Variants in TENM3 observed in about 807,000 individuals in gnomAD.
TENM3 encodes teneurin transmembrane protein 3, also known as teneurin-3.
TENM3 carries 63 observed loss-of-function variants against 255.1 expected under a neutral mutation model. The observed-to-expected ratio is 0.25, with a 90% CI of 0.20 to 0.30. The LOEUF (loss-of-function observed/expected upper bound fraction) is 0.30. Ranked by LOEUF, TENM3 falls within the 10% of genes least tolerant of loss-of-function variation. The pLI is 1.00. For missense variants in TENM3, 2,929 were observed against 3,461.1 expected (o/e 0.85, Z 3.86); for synonymous variants, 1,306 against 1,322.3 (o/e 0.99, Z 0.27).
chr4:181,714,596 A>C, the TENM3 span, among the ~76,000 whole-genome samples: 336 of 152,296 alleles, frequency 2.2e-3, 6 homozygotes, highest in Middle Eastern at 6.8e-3. Context: ...TGACCAGTAT[A>C]TATTTTCTTG....
rs530582553 is a variant in TENM3, at chr4:182,468,081, T to C, written c.511+121152T>C. 2.0e-5 allele frequency among the ~76,000 whole-genome samples: 3 copies of C among 152,242 alleles called. No homozygotes were observed. In the East Asian group the frequency reaches 5.8e-4, roughly 29 times the overall value. On this transcript the variant is annotated intron_variant, in intron 3 of 27. Coordinates refer to ENST00000511685, the MANE Select transcript of TENM3 (RefSeq NM_001080477.4). ...AATAGGCATTACATTTATGAAAACCTTTTGCCAGTTTAAAAATGTTTTAGG... is the reference window on the plus strand; with the variant it reads ...AATAGGCATTACATTTATGAAAACCCTTTGCCAGTTTAAAAATGTTTTAGG...
the TENM3 span, among the ~76,000 whole-genome samples, chr4:181,672,178 G>A: frequency 6.6e-6 from 1 of 152,044 alleles, no homozygotes; most frequent in African/African-American, 2.4e-5. Flanking sequence ...ACTGCCACAA[G>A]GCTCCAGTGT....
the TENM3 span, among the ~76,000 whole-genome samples, chr4:181,659,451 T>C: frequency 3.3e-5 from 5 of 152,168 alleles, no homozygotes; most frequent in Non-Finnish European, 7.3e-5. Flanking sequence ...CCGGTAACAA[T>C]TCTATGGGGA....
intron 3 of TENM3, among the ~76,000 whole-genome samples, chr4:182,409,775 A>C (rs1769845673): frequency 6.6e-6 from 1 of 151,848 alleles, no homozygotes; most frequent in Non-Finnish European, 1.5e-5. Context: ...CCTCAAAAAC[A>C]TCTATATGAT....
chr4:181,461,526 C>T, the TENM3 span, among the ~76,000 whole-genome samples: 13 of 152,120 alleles, frequency 8.5e-5, no homozygotes, highest in Admixed American at 3.3e-4. Flanking sequence ...TTCCTCTACA[C>T]GTCATTGATG....
chr4:182,773,504 C>T lies in TENM3; in HGVS notation c.4925C>T (p.Thr1642Met), dbSNP rs375567039. ...AGTGAAGGTCGTCTGACAAATGTTA[C>T]GTTTCCAACTGGAGTGGTCACAAAC... The part of the protein sequence containing the change: ...YDSEGRLTNV[T>M]FPTGVVTNLH... Residue 1642 changes from threonine (T) to methionine (M), a missense_variant, in exon 23 of 28, where the codon ACG becomes ATG. Physicochemically the swap from Thr to Met is moderately conservative, Grantham distance 81 (BLOSUM62 -1). Coordinates refer to ENST00000511685, the MANE Select transcript of TENM3 (RefSeq NM_001080477.4). The T allele has an allele frequency of 2.5e-6, 4 of 1,612,868 alleles. No individual in the cohort carries two copies. Among genetic ancestry groups the T allele is most frequent in the Non-Finnish European group, 3.4e-6 (4 of 1,179,414 alleles).
chr4:181,888,494 G>GTATATATATGTATATGTA, the TENM3 span, among the ~76,000 whole-genome samples: 1 of 28,228 alleles, frequency 3.5e-5, no homozygotes, highest in Admixed American at 5.1e-4. Context: ...ATAGAAATGT[G>GTATATATATGTATATGTA]TATATATATA....
chr4:182,523,593 A>G (rs937496812), intron 3 of TENM3, among the ~76,000 whole-genome samples: 1 of 152,166 alleles, frequency 6.6e-6, no homozygotes, highest in Non-Finnish European at 1.5e-5. Flanking sequence ...AACATCGTGG[A>G]ATAATCTACC....
chr4:182,670,712 A>AT (rs1380143082), intron 6 of TENM3, among the ~76,000 whole-genome samples: 4 of 152,216 alleles, frequency 2.6e-5, no homozygotes, highest in East Asian at 1.9e-4. Context: ...GTAAGTGTGA[A>AT]TTTTTTGTGA....
chr4:182,364,719 C>A (rs564753785), intron 3 of TENM3, among the ~76,000 whole-genome samples: 3 of 152,154 alleles, frequency 2.0e-5, no homozygotes, highest in Admixed American at 6.5e-5. Flanking sequence ...GCGCCCAGCC[C>A]CAACTTCAGT....
At chr4:181,863,364 T>C in the TENM3 span, among the ~76,000 whole-genome samples, 29 of 152,284 alleles carry the variant, frequency 1.9e-4, no homozygotes, top group Admixed American at 7.9e-4. Flanking sequence ...TAAATAAAAA[T>C]GTCAAAGACA....
chr4:182,545,544 G>A (rs1327216652), intron 3 of TENM3, among the ~76,000 whole-genome samples: 1 of 151,788 alleles, frequency 6.6e-6, no homozygotes, highest in Non-Finnish European at 1.5e-5. Flanking sequence ...TGAATAACTT[G>A]GCCTTCGCCT....
At chr4:182,291,013 G>T (rs1013917428) in intron 1 of TENM3, among the ~76,000 whole-genome samples, 2 of 151,980 alleles carry the variant, frequency 1.3e-5, no homozygotes, top group African/African-American at 2.4e-5. Flanking sequence ...TAGAGATGGG[G>T]TTTCACCATG....
At chr4:182,034,284 C>T in the TENM3 span, among the ~76,000 whole-genome samples, 1 of 152,300 alleles carries the variant, frequency 6.6e-6, no homozygotes, top group Non-Finnish European at 1.5e-5. Flanking sequence ...CACAGCCAAA[C>T]CATATCAATA....
intron 1 of TENM3, among the ~76,000 whole-genome samples, chr4:182,155,762 C>T (rs1429267622): frequency 6.6e-6 from 1 of 152,002 alleles, no homozygotes; most frequent in Non-Finnish European, 1.5e-5. Flanking sequence ...GCTAGTAAAA[C>T]ACAAGGTTTA....
the TENM3 span, among the ~76,000 whole-genome samples, chr4:181,483,494 T>C: frequency 6.6e-6 from 1 of 152,144 alleles, no homozygotes; most frequent in African/African-American, 2.4e-5. Context: ...GAAAAAGTTT[T>C]ACCGAAATAT....
rs532922425 is a variant in TENM3 at position 182,229,609 on chromosome 4, T to C, written c.-76+84855T>C. On this transcript the variant is annotated intron_variant, in intron 1 of 2. Transcript: ENST00000512480. ...TAGACTGTGTGTGCGTGTGTATGTG[T>C]GTATATATATGTGTATATATATATA... Among the ~76,000 whole-genome samples the C allele has an allele frequency of 2.8e-5, 4 of 143,434 alleles. No homozygotes were observed. The South Asian group carries it at 8.3e-4, about 30-fold the overall frequency. 94.1% of individuals were successfully genotyped at this position (143,434 alleles called of 152,430 possible).
chr4:182,143,522 C>G (rs1458940891), upstream of TENM3: 1 of 166,960 alleles, frequency 6.0e-6, no homozygotes, highest in Non-Finnish European at 1.5e-5. The surrounding 1 kb of genome is among the most constrained non-coding windows in gnomAD (Gnocchi z 4.3). Context: ...CCTCGGGTGA[C>G]TCAGCTGACC....
chr4:181,886,213 C>T, the TENM3 span, among the ~76,000 whole-genome samples: 9 of 152,068 alleles, frequency 5.9e-5, no homozygotes, highest in South Asian at 2.1e-4. Flanking sequence ...CCACCACACC[C>T]AGCTAATTTT....
Sources: gnomAD v4.1 joint callset for allele counts (sites outside exome capture counted in the v4.1 genomes callset) on GRCh38, gnomAD v4.1.1 for gene constraint, Gnocchi (gnomAD v3.1) non-coding constraint, MANE v1.5 for transcripts, NCBI Gene and HGNC (gene_info 2026-07-23, HGNC 2026-07-21) for gene names.